MINDY3: variants seen among roughly 807,000 people sequenced by gnomAD.
The protein encoded by MINDY3 is MINDY lysine 48 deubiquitinase 3, also known as ubiquitin carboxyl-terminal hydrolase MINDY-3.
A neutral mutation model predicts 69.2 loss-of-function variants in MINDY3; 38 were observed. That is an observed-to-expected ratio of 0.55 (90% CI 0.42 to 0.72). The LOEUF is 0.72. Among genes scored for constraint, MINDY3 ranks in the 30% least tolerant of loss-of-function variants. MINDY3 has a pLI of 0.00. For missense variants in MINDY3, 522 were observed against 519.0 expected (o/e 1.01, Z -0.06); for synonymous variants, 192 against 180.1 (o/e 1.07, Z -0.53).
chr10:15,837,041 C>T (rs564518158), intron 6 of MINDY3, among the ~76,000 whole-genome samples, 163 bp downstream of exon 6: 10 of 151,958 alleles, frequency 6.6e-5, no homozygotes, highest in Non-Finnish European at 1.0e-4. Context: ...GCTTAAGCAA[C>T]GAGTGAGTGC....
intron 1 of MINDY3, among the ~76,000 whole-genome samples, chr10:15,857,549 A>G (rs888931407): frequency 1.3e-5 from 2 of 152,168 alleles, no homozygotes; most frequent in Non-Finnish European, 2.9e-5. Context: ...TATTCTTTAA[A>G]AAGTACTATA....
intron 11 of MINDY3, among the ~76,000 whole-genome samples, chr10:15,790,534 CTTAAG>C (rs935036486): frequency 8.6e-5 from 13 of 152,010 alleles, no homozygotes; most frequent in African/African-American, 2.9e-4. Context: ...ACTGATTTTG[CTTAAG>C]TTAAGTCATA....
chr10:15,851,649 C>T (rs961724287), intron 1 of MINDY3, among the ~76,000 whole-genome samples: 15 of 152,056 alleles, frequency 9.9e-5, no homozygotes, highest in Admixed American at 7.9e-4. Context: ...ATAGTTCAAA[C>T]CGCTATAATC....
At chr10:15,788,421 A>G (rs1837143502) in intron 12 of MINDY3, among the ~76,000 whole-genome samples, 1 of 152,136 alleles carries the variant, frequency 6.6e-6, no homozygotes, top group Admixed American at 6.6e-5. Context: ...GAACTCATCT[A>G]AAAACGGAAC....
chr10:15,798,401 A>G (rs1380228030), intron 10 of MINDY3, among the ~76,000 whole-genome samples: 1 of 151,928 alleles, frequency 6.6e-6, no homozygotes, highest in Non-Finnish European at 1.5e-5. Context: ...AGGAGCTGAC[A>G]GTTCAGGAGT....
chr10:15,782,169 T>G lies in MINDY3; in HGVS notation c.1174A>C (p.Asn392His). Residue 392 changes from asparagine to histidine, a missense_variant, in exon 14 of 15, where the codon AAT (asparagine) becomes CAT (histidine). Coordinates refer to ENST00000277632, the MANE Select transcript of MINDY3 (RefSeq NM_024948.4). ...VYHYNGLKQSNYNEKVMYVEG... is the reference protein window; with the variant it reads ...VYHYNGLKQSHYNEKVMYVEG... The stretch of plus-strand genomic sequence containing the variant: ...AATTATCATACCTTTTCATTATAAT[T>G]TGACTGCTTCAATCCATTGTAGTGG... 1.2e-6 allele frequency: 2 copies of G among 1,610,138 alleles called. No individual in the cohort carries two copies. Among genetic ancestry groups the G allele is most frequent in the Non-Finnish European group, 1.7e-6 (2 of 1,177,404 alleles).
At chr10:15,800,718 G>A (rs1448880691) in intron 10 of MINDY3, among the ~76,000 whole-genome samples, 2 of 152,140 alleles carry the variant, frequency 1.3e-5, no homozygotes, top group Admixed American at 6.5e-5. Context: ...GAGGTCTGCT[G>A]CTGTGGTTGC....
chr10:15,841,345 A>T (rs1169453994), intron 4 of MINDY3, 81 bp downstream of exon 4: 8 of 1,162,464 alleles, frequency 6.9e-6, no homozygotes, highest in East Asian at 2.6e-5. Flanking sequence ...ATTTTAAGTA[A>T]TTTTTTCTTC....
intron 3 of MINDY3, 58 bp from the exon 4 acceptor site, chr10:15,841,657 T>C (rs1036163329): frequency 8.5e-7 from 1 of 1,170,476 alleles, no homozygotes; most frequent in Non-Finnish European, 1.2e-6. Flanking sequence ...AAAAATTCTG[T>C]CATGAATAAC....
chr10:15,816,278 A>G (rs1839357733), intron 10 of MINDY3, among the ~76,000 whole-genome samples: 1 of 141,174 alleles, frequency 7.1e-6, no homozygotes, highest in South Asian at 2.1e-4. Context: ...AAAAAAAAAA[A>G]AATGAAAAAG....
chr10:15,848,084 C>T (rs1285226253), intron 1 of MINDY3, 141 bp from the exon 2 acceptor site: 1 of 673,430 alleles, frequency 1.5e-6, no homozygotes, highest in African/African-American at 1.8e-5. Flanking sequence ...GATCAAGGAA[C>T]CTTTTGAAAA....
At chr10:15,853,465 A>C (rs910869700) in intron 1 of MINDY3, among the ~76,000 whole-genome samples, 1 of 152,154 alleles carries the variant, frequency 6.6e-6, no homozygotes, top group African/African-American at 2.4e-5. Context: ...AGTAACATCA[A>C]GCTGTCCTAG....
chr10:15,838,332 G>A, intron 4 of MINDY3, 53 bp from the exon 5 acceptor site: 1 of 1,467,980 alleles, frequency 6.8e-7, no homozygotes, highest in Non-Finnish European at 9.2e-7. Context: ...AATGACACAA[G>A]ATACACACAG....
At chr10:15,785,730 AGTT>A (rs1836907076) in intron 13 of MINDY3, among the ~76,000 whole-genome samples, 1 of 152,164 alleles carries the variant, frequency 6.6e-6, no homozygotes, top group African/African-American at 2.4e-5. Context: ...TTTTATCTTG[AGTT>A]TAACAATCTT....
At chr10:15,792,334 G>A (rs118091971) in intron 11 of MINDY3, among the ~76,000 whole-genome samples, 4,250 of 152,070 alleles carry the variant, frequency 0.028, 96 homozygotes, top group Middle Eastern at 0.078. Flanking sequence ...ATAGCTGCTC[G>A]TTAACATTTG....
At chr10:15,827,341 A>C (rs1220218051) in intron 8 of MINDY3, among the ~76,000 whole-genome samples, 1 of 152,030 alleles carries the variant, frequency 6.6e-6, no homozygotes, top group Non-Finnish European at 1.5e-5. Context: ...TGGGAGTTCG[A>C]GACCAGCCTG....
intron 9 of MINDY3, 122 bp downstream of exon 9, chr10:15,821,534 A>C: frequency 3.1e-6 from 2 of 641,680 alleles, no homozygotes; most frequent in South Asian, 5.2e-5. Context: ...ATAGGAAGGA[A>C]GAAGAGAGCG....
At position 15,792,261 on chromosome 10, in the gene MINDY3, T is replaced by G. The variant is rs539702640; in HGVS notation, c.956-2942A>C. On this transcript the variant is annotated intron_variant, in intron 11 of 14. Coordinates refer to ENST00000277632, the MANE Select transcript of MINDY3 (RefSeq NM_024948.4). ...TTTGGCATTACTTCTGGCTCCCCAG[T>G]GGGCAATGAGTTCTGGAGGGCAGGG... 9.2e-5 allele frequency among the ~76,000 whole-genome samples: 14 copies of G among 152,154 alleles called. No homozygotes were observed. In the East Asian group the frequency reaches 2.7e-3, roughly 29 times the overall value.
intron 12 of MINDY3, 78 bp from the exon 13 acceptor site, chr10:15,786,726 G>A (rs1241788001): frequency 3.6e-6 from 3 of 827,842 alleles, no homozygotes; most frequent in Non-Finnish European, 6.1e-6. Context: ...TAAATTACTG[G>A]TACTACAACA....
Sources: gnomAD v4.1 joint callset for allele counts (sites outside exome capture counted in the v4.1 genomes callset) on GRCh38, gnomAD v4.1.1 for gene constraint, MANE v1.5 for transcripts, NCBI Gene and HGNC (gene_info 2026-07-23, HGNC 2026-07-21) for gene names.